PIEZO2: variants seen among roughly 807,000 people sequenced by gnomAD.
The protein encoded by PIEZO2 is piezo-type mechanosensitive ion channel component 2.
In PIEZO2, 172 loss-of-function variants were observed where a neutral mutation model predicts 337.3. The observed-to-expected ratio is 0.51, with a 90% CI of 0.45 to 0.58. The LOEUF (loss-of-function observed/expected upper bound fraction) is 0.58, where lower values mean the gene tolerates loss of function less well. PIEZO2 is among the 20% of genes least tolerant of loss of function. The pLI is 0.00. For synonymous variants in PIEZO2, 1,251 were observed against 1,228.5 expected (o/e 1.02, Z -0.38); for missense variants, 3,028 against 3,391.3 (o/e 0.89, Z 2.66).
At chr18:10,923,966 A>C (rs1428695464) in intron 3 of PIEZO2, among the ~76,000 whole-genome samples, 1 of 152,238 alleles carries the variant, frequency 6.6e-6, no homozygotes, top group Non-Finnish European at 1.5e-5. Flanking sequence ...ATATGTAATC[A>C]AAGCATCTGA....
intron 2 of PIEZO2, among the ~76,000 whole-genome samples, chr18:11,014,371 C>A (rs1598828855): frequency 6.8e-6 from 1 of 147,198 alleles, no homozygotes; most frequent in East Asian, 2.1e-4. Context: ...GACAGGACAG[C>A]AATCCAGGGC....
chr18:10,829,605 C>A (rs976674923), intron 7 of PIEZO2, among the ~76,000 whole-genome samples: 2 of 152,100 alleles, frequency 1.3e-5, no homozygotes, highest in Non-Finnish European at 2.9e-5. Context: ...AATAAACTTA[C>A]AGAATATAAA....
At chr18:10,798,252 A>C (rs2039680682) in intron 11 of PIEZO2, among the ~76,000 whole-genome samples, 1 of 152,234 alleles carries the variant, frequency 6.6e-6, no homozygotes, top group African/African-American at 2.4e-5. Context: ...TGCTGTTCTA[A>C]GCCACTAAGT....
At chr18:11,039,884 T>C (rs980960574) in intron 2 of PIEZO2, among the ~76,000 whole-genome samples, 3 of 152,136 alleles carry the variant, frequency 2.0e-5, no homozygotes, top group Admixed American at 2.0e-4. Flanking sequence ...CCTGATGCAT[T>C]CTTACGAAAA....
intron 4 of PIEZO2, among the ~76,000 whole-genome samples, chr18:10,880,555 G>A (rs948206616): frequency 6.6e-5 from 10 of 151,892 alleles, no homozygotes; most frequent in African/African-American, 2.4e-4. Flanking sequence ...CAACTTTTGG[G>A]GGCAAATCAG....
In PIEZO2 at chr18:11,002,191, C is replaced by T. The variant is rs576168621; in HGVS notation, c.161-22531G>A. Among the ~76,000 whole-genome samples, 8 of 152,266 alleles carry T rather than the reference C, an allele frequency of 5.3e-5. No homozygotes were observed. The highest frequency in any genetic ancestry group is 1.9e-4 in the East Asian group (1 of 5,186). Reference sequence around the variant, plus strand: ...ATTTGAATTTCAGATAACTTTCATGCGCCACAAATAATTAATATTTTTCTC... The same window carrying T: ...ATTTGAATTTCAGATAACTTTCATGTGCCACAAATAATTAATATTTTTCTC... On this transcript the variant is annotated intron_variant, in intron 2 of 55. Transcript: ENST00000674853. This position sits in a 1 kb window ranked among gnomAD's most constrained non-coding sequence, Gnocchi z 4.3.
chr18:10,731,177 TTATATATATATATATATATATATA>T (rs60508630), intron 36 of PIEZO2, among the ~76,000 whole-genome samples: 1 of 35,234 alleles, frequency 2.8e-5, no homozygotes, highest in Non-Finnish European at 4.9e-5. Context: ...ACTTAAAAGA[TTATATATATATATATATATATATA>T]TATATATATA....
rs564924079 is a variant in PIEZO2 at position 10,977,799 on chromosome 18, A to G, written c.286+1736T>C. On this transcript the variant is annotated intron_variant, in intron 3 of 55. Transcript: ENST00000674853. ...ACAAATCTTGAAAACTTTATGCTAA[A>G]TTAAGGAAGTCATATACAAAAGTCA... is the stretch of plus-strand genomic sequence containing the variant. Among the ~76,000 whole-genome samples the G allele has an allele frequency of 1.4e-4, 21 of 152,376 alleles. No individual in the cohort carries two copies. The East Asian group carries it at 3.5e-3, about 25-fold the overall frequency.
At chr18:10,696,644 C>T (rs569097088) in intron 45 of PIEZO2, 105 bp from the exon 46 acceptor site, 1 of 1,299,626 alleles carries the variant, frequency 7.7e-7, no homozygotes, top group Admixed American at 2.0e-5. Flanking sequence ...ATTCCTCTTT[C>T]CAGTCAGGTC....
At chr18:10,730,018 G>A (rs567924486) in intron 36 of PIEZO2, among the ~76,000 whole-genome samples, 16 of 152,108 alleles carry the variant, frequency 1.1e-4, no homozygotes, top group Non-Finnish European at 1.6e-4. Flanking sequence ...AGGATGTTTC[G>A]AAATTTTTTG....
rs371931084 is a variant in PIEZO2 at position 10,762,485 on chromosome 18, C to G, written c.3249+15G>C. 6.5e-7 allele frequency: 1 copy of G among 1,535,682 alleles called. No homozygotes were observed. Among genetic ancestry groups the G allele is most frequent in the Non-Finnish European group, 8.7e-7 (1 of 1,146,532 alleles). ...ACGGAGTGGAGGCCCAAACTAAGCA[C>G]GACAAAGCCATTACCCTCAGGTAGA... is the stretch of plus-strand genomic sequence containing the variant. On this transcript the variant is annotated intron_variant, in intron 23 of 55. Coordinates refer to ENST00000674853, the MANE Select transcript of PIEZO2 (RefSeq NM_001378183.1).
rs2039892601 is a variant in PIEZO2, at chr18:11,116,540, CG to C, written c.64+31984del. ...CATCCTGGCTAACACGGTGAAACCC[CG>C]TCTCTACTAAAAAAAATTAAAAAAT... On this transcript the variant is annotated intron_variant, in intron 1 of 55. Transcript: ENST00000674853. The surrounding 1 kb of genome is among the most constrained non-coding windows in gnomAD (Gnocchi z 5.0). Among the ~76,000 whole-genome samples the C allele has an allele frequency of 6.6e-6, 1 of 151,564 alleles. No individual in the cohort carries two copies. Among genetic ancestry groups the C allele is most frequent in the African/African-American group, 2.4e-5 (1 of 41,226 alleles).
intron 5 of PIEZO2, among the ~76,000 whole-genome samples, chr18:10,865,964 T>G (rs1397310606): frequency 3.3e-5 from 5 of 152,180 alleles, no homozygotes; most frequent in African/African-American, 1.2e-4. Flanking sequence ...TATCAAATGC[T>G]GCAAAGACAG....
chr18:10,698,804 A>C, intron 44 of PIEZO2, 121 bp downstream of exon 44: 1 of 1,295,064 alleles, frequency 7.7e-7, no homozygotes, highest in Non-Finnish European at 1.0e-6. Flanking sequence ...TTCTTTTCAC[A>C]TAACAATGTC....
In PIEZO2 at chr18:10,707,345, G is replaced by C. The variant is rs1207880658; in HGVS notation, c.5588+930C>G. ...CTTCAGAGGTCAAGAAAATGGACTGGCATGGCAGGCACATGCCCGCCAGAG... is the reference window on the plus strand; with the variant it reads ...CTTCAGAGGTCAAGAAAATGGACTGCCATGGCAGGCACATGCCCGCCAGAG... On this transcript the variant is annotated intron_variant, in intron 40 of 55. Transcript: ENST00000674853. This position sits in a 1 kb window ranked among gnomAD's most constrained non-coding sequence, Gnocchi z 4.2. 6.6e-6 allele frequency among the ~76,000 whole-genome samples: 1 copy of C among 152,046 alleles called. No homozygotes were observed. The highest frequency in any genetic ancestry group is 2.4e-5 in the African/African-American group (1 of 41,404).
At position 10,800,785 on chromosome 18, in the gene PIEZO2, C is replaced by CA. The variant is rs143154470; in HGVS notation, c.1240-311dup. Among the ~76,000 whole-genome samples, 8,551 of 152,298 alleles carry CA rather than the reference C, an allele frequency of 0.056. 290 individuals carry two copies. Among genetic ancestry groups the CA allele is most frequent in the Non-Finnish European group, 0.066 (4,508 of 68,014 alleles). ...CTTGTAAATGGCTGAAGGAGGCCTT[C>CA]AAGATTTGGTCTGATCTTTCCAGCC... On this transcript the variant is annotated intron_variant, in intron 10 of 55. Transcript: ENST00000674853.
rs1488076880 is a variant in PIEZO2 at position 10,982,009 on chromosome 18, A to G, written c.161-2349T>C. On this transcript the variant is annotated intron_variant, in intron 2 of 55. Transcript: ENST00000674853. This position sits in a 1 kb window ranked among gnomAD's most constrained non-coding sequence, Gnocchi z 4.1. Reference sequence around the variant, plus strand: ...GGGACTTCCTTCCTCCAAGCCCACAATCCAAATACCTCCCATCAGGCCCCA... The same window carrying G: ...GGGACTTCCTTCCTCCAAGCCCACAGTCCAAATACCTCCCATCAGGCCCCA... Among the ~76,000 whole-genome samples the G allele has an allele frequency of 6.6e-6, 1 of 152,146 alleles. No homozygotes were observed. The highest frequency in any genetic ancestry group is 1.5e-5 in the Non-Finnish European group (1 of 68,026).
Position 10,857,017 on chromosome 18 carries a change from G to C in PIEZO2, c.687C>G (p.Ile229Met). ...GACACTCACCCGAGGAGCCCAGTAAGATGGTAACAACGACTTTCCCAGCAG... is the reference window on the plus strand; with the variant it reads ...GACACTCACCCGAGGAGCCCAGTAACATGGTAACAACGACTTTCCCAGCAG... Reference protein sequence around the residue: ...ITTAGKVVVTILLGSSGMMLP... With the variant: ...ITTAGKVVVTMLLGSSGMMLP... Residue 229 changes from isoleucine to methionine, a missense_variant, in exon 6 of 56, where the codon ATC (isoleucine) becomes ATG (methionine). By Grantham distance (10) the Ile-to-Met change is conservative. Transcript: ENST00000674853. The C allele has an allele frequency of 6.5e-7, 1 of 1,537,304 alleles. No individual in the cohort carries two copies. The highest frequency in any genetic ancestry group is 1.2e-5 in the South Asian group (1 of 84,066).
chr18:10,699,182 G>C lies in PIEZO2; in HGVS notation c.6442-5C>G. On this transcript the variant is annotated splice_region_variant and splice_polypyrimidine_tract_variant and intron_variant, in intron 43 of 55. Transcript: ENST00000674853. Reference sequence around the variant, plus strand: ...TTCATCCCATAAGCCATGGCACTGAGAAAGCAGGGACAGGGACAAATGAGG... The same window carrying C: ...TTCATCCCATAAGCCATGGCACTGACAAAGCAGGGACAGGGACAAATGAGG... 6.5e-7 allele frequency: 1 copy of C among 1,537,232 alleles called. No homozygotes were observed. Among genetic ancestry groups the C allele is most frequent in the Non-Finnish European group, 8.7e-7 (1 of 1,146,904 alleles).
Sources: allele counts gnomAD v4.1 joint callset (sites outside exome capture counted in the v4.1 genomes callset), GRCh38; gene constraint gnomAD v4.1.1; non-coding constraint Gnocchi (gnomAD v3.1); transcripts MANE v1.5; gene names NCBI Gene and HGNC (gene_info 2026-07-23, HGNC 2026-07-21).